Variants in GRAMD1C observed in about 807,000 individuals in gnomAD.
GRAMD1C encodes the protein GRAM domain containing 1C.
A neutral mutation model predicts 97.8 loss-of-function variants in GRAMD1C; 89 were observed. The ratio of observed to expected loss-of-function variants is 0.91; its 90% CI spans 0.77 to 1.09. GRAMD1C has a LOEUF of 1.09. Among genes scored for constraint, GRAMD1C ranks in the 50% least tolerant of loss-of-function variants. GRAMD1C has a pLI of 0.00. For synonymous variants in GRAMD1C, 256 were observed against 267.0 expected (o/e 0.96, Z 0.40); for missense variants, 740 against 766.4 (o/e 0.97, Z 0.41).
chr3:113,867,005 AT>A (rs1412049842), intron 2 of GRAMD1C, among the ~76,000 whole-genome samples: 1 of 151,640 alleles, frequency 6.6e-6, no homozygotes, highest in African/African-American at 2.4e-5. Context: ...ATTTTTTTGT[AT>A]TTTTAGTAGA....
intron 14 of GRAMD1C, 187 bp downstream of exon 14, chr3:113,936,629 TG>T: frequency 2.2e-6 from 1 of 452,024 alleles, no homozygotes; most frequent in Non-Finnish European, 3.9e-6. Context: ...AGTTGCAAAA[TG>T]GCAAGCATAT....
intron 6 of GRAMD1C, among the ~76,000 whole-genome samples, chr3:113,884,201 T>C (rs958902136): frequency 2.6e-5 from 4 of 152,142 alleles, no homozygotes; most frequent in African/African-American, 9.7e-5. Context: ...ATAGACGATA[T>C]GCTAGGTCAA....
chr3:113,843,212 C>T (rs1248917241), intron 1 of GRAMD1C, among the ~76,000 whole-genome samples: 1 of 151,808 alleles, frequency 6.6e-6, no homozygotes, highest in Non-Finnish European at 1.5e-5. Flanking sequence ...ACAACTGGGA[C>T]AATAGGCGCA....
At chr3:113,930,941 A>C (rs1937395613) in intron 11 of GRAMD1C, 109 bp downstream of exon 11, 1 of 623,542 alleles carries the variant, frequency 1.6e-6, no homozygotes, top group African/African-American at 1.8e-5. Flanking sequence ...AGTGGCAAGA[A>C]AAAAGGGAGG....
At chr3:113,925,452 A>G (rs528055860) in intron 10 of GRAMD1C, among the ~76,000 whole-genome samples, 1 of 149,134 alleles carries the variant, frequency 6.7e-6, no homozygotes, top group African/African-American at 2.5e-5. Flanking sequence ...AGCCTGGGTG[A>G]CAGAGCAAGA....
At chr3:113,870,129 AG>A (rs1202649666) in intron 3 of GRAMD1C, among the ~76,000 whole-genome samples, 1 of 152,058 alleles carries the variant, frequency 6.6e-6, no homozygotes, top group Non-Finnish European at 1.5e-5. Context: ...TGGGAGACTG[AG>A]GCAGGAACAT....
At chr3:113,929,691 C>T (rs1314535781) in intron 10 of GRAMD1C, among the ~76,000 whole-genome samples, 1 of 151,980 alleles carries the variant, frequency 6.6e-6, no homozygotes, top group Non-Finnish European at 1.5e-5. Flanking sequence ...ATGATAGACT[C>T]TATGATTTGT....
intron 2 of GRAMD1C, chr3:113,850,150 T>C: frequency 2.4e-6 from 1 of 411,074 alleles, no homozygotes; most frequent in Non-Finnish European, 4.7e-6. Context: ...TTCATTAAGA[T>C]CTTTAAAAAT....
chr3:113,865,432 AC>A (rs1934548117), intron 2 of GRAMD1C, among the ~76,000 whole-genome samples: 1 of 152,190 alleles, frequency 6.6e-6, no homozygotes, highest in Non-Finnish European at 1.5e-5. Context: ...GACCGTTCAG[AC>A]CATTTTTGAT....
At chr3:113,877,532 G>A (rs983522309) in intron 5 of GRAMD1C, among the ~76,000 whole-genome samples, 1 of 152,136 alleles carries the variant, frequency 6.6e-6, no homozygotes, top group Non-Finnish European at 1.5e-5. Context: ...TTACAGGTCA[G>A]TTATTTTGTA....
intron 14 of GRAMD1C, among the ~76,000 whole-genome samples, chr3:113,937,592 A>G (rs965690887): frequency 3.3e-5 from 5 of 152,198 alleles, no homozygotes; most frequent in African/African-American, 1.2e-4. Context: ...TTTGTTTCAT[A>G]TTACTCAGGA....
At chr3:113,868,438 C>T (rs1934667104) in intron 2 of GRAMD1C, among the ~76,000 whole-genome samples, 1 of 152,154 alleles carries the variant, frequency 6.6e-6, no homozygotes, top group Non-Finnish European at 1.5e-5. Context: ...GCATTCCCTC[C>T]TGTCCCATGG....
At chr3:113,943,351 C>A (rs918011145) in intron 17 of GRAMD1C, among the ~76,000 whole-genome samples, 5 of 152,158 alleles carry the variant, frequency 3.3e-5, no homozygotes, top group African/African-American at 1.2e-4. Flanking sequence ...AATTTACATA[C>A]AATAAAAGTT....
intron 7 of GRAMD1C, among the ~76,000 whole-genome samples, chr3:113,902,566 C>T (rs1390038428): frequency 2.6e-5 from 4 of 152,174 alleles, no homozygotes; most frequent in Non-Finnish European, 5.9e-5. Context: ...AAGGTCCTTG[C>T]CAACTTGAAA....
intron 1 of GRAMD1C, among the ~76,000 whole-genome samples, chr3:113,842,431 T>G (rs1933370943): frequency 6.6e-6 from 1 of 152,258 alleles, no homozygotes; most frequent in Admixed American, 6.5e-5. Context: ...GATCAGTTTA[T>G]GGACTTCAGT....
chr3:113,859,012 A>G (rs1261012995), intron 2 of GRAMD1C, among the ~76,000 whole-genome samples: 1 of 151,970 alleles, frequency 6.6e-6, no homozygotes, highest in Non-Finnish European at 1.5e-5. Context: ...TATCAATTTT[A>G]TTATTTTTAA....
intron 9 of GRAMD1C, among the ~76,000 whole-genome samples, chr3:113,910,168 G>A (rs1414681386): frequency 6.6e-6 from 1 of 152,120 alleles, no homozygotes; most frequent in Non-Finnish European, 1.5e-5. Context: ...TGGATCACAC[G>A]GTCAGGAGTT....
chr3:113,904,540 A>G (rs1936288877), intron 8 of GRAMD1C, among the ~76,000 whole-genome samples: 1 of 152,166 alleles, frequency 6.6e-6, no homozygotes, highest in African/African-American at 2.4e-5. Flanking sequence ...TAAAAGAATA[A>G]TAAGATGGAG....
At chr3:113,917,770 G>A (rs1302711342) in intron 10 of GRAMD1C, among the ~76,000 whole-genome samples, 3 of 148,484 alleles carry the variant, frequency 2.0e-5, no homozygotes, top group Non-Finnish European at 4.4e-5. Flanking sequence ...TCGGCTCACT[G>A]CAACCTCCGC....
Sources: allele counts gnomAD v4.1 joint callset (sites outside exome capture counted in the v4.1 genomes callset), GRCh38; gene constraint gnomAD v4.1.1; transcripts MANE v1.5; gene names NCBI Gene and HGNC (gene_info 2026-07-23, HGNC 2026-07-21).